Variants in NPC1 observed in about 807,000 individuals in gnomAD.
NPC1 encodes the protein NPC intracellular cholesterol transporter 1.
A neutral mutation model predicts 140.4 loss-of-function variants in NPC1; 85 were observed. That is an observed-to-expected ratio of 0.61 (90% CI 0.51 to 0.72). The LOEUF is 0.72. Among genes scored for constraint, NPC1 ranks in the 30% least tolerant of loss-of-function variants. The pLI, the probability that NPC1 is intolerant of heterozygous loss-of-function variation, is 0.00. For synonymous variants in NPC1, 656 were observed against 624.8 expected (o/e 1.05, Z -0.74); for missense variants, 1,504 against 1,623.8 (o/e 0.93, Z 1.27).
chr18:23,525,965 CTGTA>C (rs2145258572), downstream of NPC1, among the ~76,000 whole-genome samples: 1 of 152,314 alleles, frequency 6.6e-6, no homozygotes, highest in South Asian at 2.1e-4. Flanking sequence ...GTGACATCCA[CTGTA>C]TGTATGTAAT....
At chr18:23,546,154 C>T (rs1194946149) in intron 11 of NPC1, among the ~76,000 whole-genome samples, 2 of 142,962 alleles carry the variant, frequency 1.4e-5, no homozygotes, top group African/African-American at 5.2e-5. Flanking sequence ...GAGGCTGAGG[C>T]ACGAGAATCA....
At chr18:23,571,534 G>C (rs1490956748) in intron 3 of NPC1, among the ~76,000 whole-genome samples, 3 of 152,080 alleles carry the variant, frequency 2.0e-5, no homozygotes, top group Non-Finnish European at 4.4e-5. Context: ...GCATGTGCCT[G>C]CAGTCCCAGC....
rs371895886 is a variant in NPC1, at chr18:23,577,257, T to C, written c.58-3683A>G. ...CCTTGAGCTAGATACAGAGTGCCGA[T>C]TGGTGTATTTACAATCCTTGAGCTA... On this transcript the variant is annotated intron_variant, in intron 1 of 24. Transcript: ENST00000269228. 2.2e-4 allele frequency among the ~76,000 whole-genome samples: 32 copies of C among 146,688 alleles called. 1 individual carries two copies. Among genetic ancestry groups the C allele is most frequent in the East Asian group, 1.4e-3 (7 of 4,896 alleles).
At chr18:23,559,036 T>C (rs1261695079) in intron 6 of NPC1, among the ~76,000 whole-genome samples, 2 of 152,222 alleles carry the variant, frequency 1.3e-5, no homozygotes, top group Non-Finnish European at 2.9e-5. Context: ...TCCAAGTCCC[T>C]ACAAAGGACA....
Position 23,560,470 on chromosome 18 carries a change from G to T in NPC1, c.642C>A (p.Val214=). ...CATTGTTCATGGGCTCCATCCCATG[G>T]ACTGGAAAATCTACAGAAAGGAATT... ...TITPVFSDFP[V]HGMEPMNNAT... The change falls in exon 6 of 25, where the codon GTC becomes GTA. Residue 214 remains valine (V), a synonymous_variant. Transcript: ENST00000269228. 6.2e-7 allele frequency: 1 copy of T among 1,613,994 alleles called. No homozygotes were observed.
intron 4 of NPC1, among the ~76,000 whole-genome samples, chr18:23,563,457 G>T (rs1423698255): frequency 6.6e-6 from 1 of 152,236 alleles, no homozygotes; most frequent in Non-Finnish European, 1.5e-5. Flanking sequence ...GTCTCACTCT[G>T]TCACACAGAT....
chr18:23,507,968 T>G (rs1191625584), intron 3 of NPC1: 1 of 1,609,458 alleles, frequency 6.2e-7, no homozygotes, highest in African/African-American at 1.3e-5. Context: ...TGTGTGTCTG[T>G]GTGTTTTTCC....
chr18:23,549,146 G>A (rs1309832807), intron 10 of NPC1, among the ~76,000 whole-genome samples: 2 of 152,082 alleles, frequency 1.3e-5, no homozygotes, highest in Non-Finnish European at 2.9e-5. Context: ...TTCCAATTTT[G>A]ATAAATTCTC....
Position 23,560,301 on chromosome 18 carries a change from T to G in NPC1, c.811A>C (p.Ile271Leu), listed in dbSNP as rs370810779. ...TILGLDAMYV[I>L]MWITYMAFLL... ...AACGCCATGTAGGTGATCCACATGA[T>G]GACATACATGGCGTCCAAGCCAAGG... Residue 271 changes from isoleucine to leucine, a missense_variant, in exon 6 of 25, where the codon ATC (isoleucine) becomes CTC (leucine). Physicochemically the swap from Ile to Leu is conservative, Grantham distance 5 (BLOSUM62 2). Coordinates refer to ENST00000269228, the MANE Select transcript of NPC1 (RefSeq NM_000271.5). The G allele has an allele frequency of 6.2e-7, 1 of 1,614,068 alleles. No individual in the cohort carries two copies. Among genetic ancestry groups the G allele is most frequent in the African/African-American group, 1.3e-5 (1 of 74,910 alleles).
intron 18 of NPC1, 148 bp downstream of exon 18, chr18:23,539,663 A>T: frequency 1.0e-6 from 1 of 962,042 alleles, no homozygotes; most frequent in Non-Finnish European, 1.6e-6. Flanking sequence ...AAGGTTTTTT[A>T]AGGTAAAGCC....
rs1434171384 is a variant in NPC1, at chr18:23,572,231, G to A, written c.181-51C>T. 1.0e-5 allele frequency: 13 copies of A among 1,254,278 alleles called. No individual in the cohort carries two copies. In the African/African-American group the frequency reaches 1.5e-4, roughly 14 times the overall value. 77.7% of individuals were successfully genotyped at this position (1,254,278 alleles called of 1,614,324 possible). A position where few individuals can be genotyped will look rare whatever the true frequency, so the allele number is the denominator to read the frequency against. ...GGGAGTAGGCAACAGTTAGAGTAAG[G>A]TCAACATTCCTCAGTGAACTAAGAC... On this transcript the variant is annotated intron_variant, in intron 2 of 24. Transcript: ENST00000269228.
chr18:23,524,184 A>T, intron 1 of NPC1: 1 of 1,613,298 alleles, frequency 6.2e-7, no homozygotes, highest in Non-Finnish European at 8.5e-7. Context: ...TGTATCCTTT[A>T]CTAAGGTGTG....
chr18:23,521,730 TCA>T (rs1273560871), downstream of NPC1, among the ~76,000 whole-genome samples: 1 of 151,588 alleles, frequency 6.6e-6, no homozygotes, highest in African/African-American at 2.4e-5. Context: ...CTTTATTTTC[TCA>T]CAGTTCTGGA....
chr18:23,506,954 ATCTT>A, intron 3 of NPC1: 2 of 1,556,318 alleles, frequency 1.3e-6, no homozygotes, highest in Non-Finnish European at 1.8e-6. Flanking sequence ...TACTAACACA[ATCTT>A]TCTTCTTAAA....
At chr18:23,533,738 G>A (rs551147982) in intron 23 of NPC1, 12 of 533,394 alleles carry the variant, frequency 2.2e-5, no homozygotes, top group African/African-American at 7.6e-5. Context: ...ACCCCTGGCC[G>A]CAAGTGGTCC....
At chr18:23,562,292 A>G (rs1410028074) in intron 4 of NPC1, among the ~76,000 whole-genome samples, 5 of 126,408 alleles carry the variant, frequency 4.0e-5, no homozygotes, top group Non-Finnish European at 7.7e-5. Context: ...CCATCACAAA[A>G]AAACAAAAAA....
At chr18:23,521,448 G>T (rs1042929232), downstream of NPC1, among the ~76,000 whole-genome samples, 2 of 152,194 alleles carry the variant, frequency 1.3e-5, no homozygotes, top group Non-Finnish European at 1.5e-5. Flanking sequence ...CACATTCCGT[G>T]TGACAGTGAT....
Position 23,532,031 on chromosome 18 carries a change from C to A in NPC1, c.*171G>T. The A allele has an allele frequency of 6.5e-7, 1 of 1,541,654 alleles. No homozygotes were observed. ...CTCCAGATCTAGTAATACTGCTTCC[C>A]AAGTCAACTGTGCATTCCTGAGTTC... On this transcript the variant is annotated 3_prime_UTR_variant, in exon 25 of 25. Coordinates refer to ENST00000269228, the MANE Select transcript of NPC1 (RefSeq NM_000271.5).
downstream of NPC1, among the ~76,000 whole-genome samples, chr18:23,524,647 G>A (rs778151814): frequency 3.7e-4 from 56 of 151,510 alleles, no homozygotes; most frequent in Non-Finnish European, 7.1e-4. Context: ...TTTACTATAT[G>A]TGCATTTTAT....
Sources: gnomAD v4.1 joint callset for allele counts (sites outside exome capture counted in the v4.1 genomes callset) on GRCh38, gnomAD v4.1.1 for gene constraint, MANE v1.5 for transcripts, NCBI Gene and HGNC (gene_info 2026-07-23, HGNC 2026-07-21) for gene names.